The following TPO variants were observed in gnomAD, a reference collection of about 807,000 sequenced individuals.
The protein encoded by TPO is thyroid peroxidase, also known as thyroid microsomal antigen.
TPO carries 78 observed loss-of-function variants against 96.9 expected under a neutral mutation model. The ratio of observed to expected loss-of-function variants is 0.81; its 90% CI spans 0.67 to 0.97. TPO has a LOEUF of 0.97. Ranked by LOEUF, TPO falls within the 50% of genes least tolerant of loss-of-function variation. The pLI, the probability that TPO is intolerant of heterozygous loss-of-function variation, is 0.00. For synonymous variants in TPO, 547 were observed against 538.0 expected (o/e 1.02, Z -0.23); for missense variants, 1,252 against 1,274.8 (o/e 0.98, Z 0.27).
At chr2:1,462,146 C>T (rs930398795) in intron 7 of TPO, among the ~76,000 whole-genome samples, 1 of 152,200 alleles carries the variant, frequency 6.6e-6, no homozygotes, top group Non-Finnish European at 1.5e-5. Flanking sequence ...GTTGACAGCA[C>T]TTCCCTTCCA....
At chr2:1,377,759 C>T (rs1310221063) in intron 1 of TPO, among the ~76,000 whole-genome samples, 3 of 152,110 alleles carry the variant, frequency 2.0e-5, no homozygotes, top group East Asian at 3.9e-4. Flanking sequence ...TGCAGCCGCC[C>T]CTCTGTACCT....
At chr2:1,443,542 G>C (rs1224999883) in intron 5 of TPO, among the ~76,000 whole-genome samples, 3 of 149,532 alleles carry the variant, frequency 2.0e-5, no homozygotes, top group Non-Finnish European at 1.5e-5. Context: ...ATTGCTGCAG[G>C]AGGCACCATG....
At position 1,444,039 on chromosome 2, in the gene TPO, G is replaced by A. The variant is rs572960801; in HGVS notation, c.482+7655G>A. Among the ~76,000 whole-genome samples, 12 of 144,888 alleles carry A rather than the reference G, an allele frequency of 8.3e-5. No homozygotes were observed. In the South Asian group the frequency reaches 2.7e-3, roughly 32 times the overall value. On this transcript the variant is annotated intron_variant, in intron 5 of 16. Coordinates refer to ENST00000329066, the MANE Select transcript of TPO (RefSeq NM_001206744.2). The stretch of plus-strand genomic sequence containing the variant: ...CACCATGTTGGAAGGGAATGGAGCT[G>A]GCTCCTTCTTGTTTGTATGATCCAG...
intron 1 of TPO, among the ~76,000 whole-genome samples, chr2:1,406,399 T>C (rs1662251174): frequency 6.6e-6 from 1 of 152,244 alleles, no homozygotes. Flanking sequence ...TTTGTGACTA[T>C]TGTAAGACAC....
At chr2:1,530,920 C>CTGTGCAACCTCCCCAAATCCCCCCACTA (rs1558423649) in intron 15 of TPO, among the ~76,000 whole-genome samples, 1 of 67,148 alleles carries the variant, frequency 1.5e-5, no homozygotes, top group African/African-American at 6.3e-5. Flanking sequence ...CCCCCCCACT[C>CTGTGCAACCTCCCCAAATCCCCCCACTA]TGTGCGACCT....
chr2:1,393,900 G>GC (rs760908305), intron 1 of TPO, among the ~76,000 whole-genome samples: 145 of 152,290 alleles, frequency 9.5e-4, no homozygotes, highest in Non-Finnish European at 1.4e-3. Flanking sequence ...GAAAAGTGGA[G>GC]CTACTATTTA....
At chr2:1,400,568 C>CAAAAAAAAAAAAAAAAAA (rs34242408) in intron 1 of TPO, among the ~76,000 whole-genome samples, 12 of 71,604 alleles carry the variant, frequency 1.7e-4, no homozygotes, top group South Asian at 7.4e-4. Flanking sequence ...GACTCTGTCT[C>CAAAAAAAAAAAAAAAAAA]AAAAAAAAAA....
chr2:1,379,769 ATTTT>A (rs1336099830), intron 1 of TPO, among the ~76,000 whole-genome samples: 1 of 152,136 alleles, frequency 6.6e-6, no homozygotes, highest in Non-Finnish European at 1.5e-5. Flanking sequence ...TTCTGTCAGT[ATTTT>A]TTCATTTAGT....
intron 12 of TPO, 123 bp from the exon 13 acceptor site, chr2:1,496,472 G>C: frequency 7.1e-7 from 1 of 1,400,716 alleles, no homozygotes; most frequent in Admixed American, 1.9e-5. Context: ...AGTGACCACA[G>C]CAGGGCTCCC....
intron 15 of TPO, among the ~76,000 whole-genome samples, chr2:1,535,740 C>T (rs1316981889): frequency 1.2e-4 from 12 of 101,886 alleles, no homozygotes; most frequent in African/African-American, 1.4e-4. Flanking sequence ...TGCAACCTCC[C>T]CAAATCCCCC....
At chr2:1,539,276 T>C (rs1269954089) in intron 15 of TPO, among the ~76,000 whole-genome samples, 1 of 152,208 alleles carries the variant, frequency 6.6e-6, no homozygotes, top group Non-Finnish European at 1.5e-5. Context: ...GCTAACTCCT[T>C]ACAGACTTTA....
chr2:1,432,960 G>A (rs760382522), intron 3 of TPO, among the ~76,000 whole-genome samples: 1 of 152,112 alleles, frequency 6.6e-6, no homozygotes, highest in Non-Finnish European at 1.5e-5. Context: ...CCCGTTCTAG[G>A]GCTGCATTGA....
chr2:1,487,468 C>T (rs13415674), intron 9 of TPO, among the ~76,000 whole-genome samples: 12,026 of 152,260 alleles, frequency 0.079, 1,622 homozygotes, highest in African/African-American at 0.28. Flanking sequence ...GGCGCGGTGG[C>T]TCACGCCTGT....
At chr2:1,437,654 A>C (rs1665715374) in intron 5 of TPO, among the ~76,000 whole-genome samples, 1 of 152,232 alleles carries the variant, frequency 6.6e-6, no homozygotes, top group Non-Finnish European at 1.5e-5. Flanking sequence ...AGTTTGTTTC[A>C]ATTCTTTGAG....
intron 1 of TPO, among the ~76,000 whole-genome samples, chr2:1,389,064 C>T (rs766200718): frequency 1.8e-4 from 28 of 152,034 alleles, no homozygotes; most frequent in Admixed American, 2.0e-4. Flanking sequence ...TGCTGACAGC[C>T]AAATCTCTGG....
At chr2:1,473,637 T>C (rs1292652919) in intron 7 of TPO, among the ~76,000 whole-genome samples, 2 of 152,212 alleles carry the variant, frequency 1.3e-5, no homozygotes, top group Non-Finnish European at 2.9e-5. Context: ...TATACATTCA[T>C]TTAGAGAGAA....
intron 5 of TPO, among the ~76,000 whole-genome samples, chr2:1,448,701 A>G (rs1354770536): frequency 6.6e-6 from 1 of 152,184 alleles, no homozygotes; most frequent in Non-Finnish European, 1.5e-5. Context: ...CTGCAGGTAA[A>G]TGGCTGGAGA....
intron 16 of TPO, chr2:1,541,949 C>A: frequency 5.1e-6 from 1 of 195,134 alleles, no homozygotes; most frequent in East Asian, 1.3e-4. Flanking sequence ...TTCGTCTTTG[C>A]ACCTGGCTCC....
At chr2:1,530,897 AACCTCCCCAAATCCCCCCCACTCTGTGCG>A (rs1336797484) in intron 15 of TPO, among the ~76,000 whole-genome samples, 7 of 55,404 alleles carry the variant, frequency 1.3e-4, no homozygotes, top group African/African-American at 4.8e-4. Context: ...CACTGTGTGC[AACCTCCCCAAATCCCCCCCACTCTGTGCG>A]ACCTCCCCAA....
Sources: gnomAD v4.1 joint callset for allele counts (sites outside exome capture counted in the v4.1 genomes callset) on GRCh38, gnomAD v4.1.1 for gene constraint, MANE v1.5 for transcripts, NCBI Gene and HGNC (gene_info 2026-07-23, HGNC 2026-07-21) for gene names.